CPS1: variants seen among roughly 807,000 people sequenced by gnomAD.
CPS1 encodes the protein carbamoyl-phosphate synthase [ammonia], mitochondrial.
In CPS1, 109 loss-of-function variants were observed where a neutral mutation model predicts 174.6. The ratio of observed to expected loss-of-function variants is 0.62; its 90% CI spans 0.53 to 0.73. The LOEUF is 0.73. Among genes scored for constraint, CPS1 ranks in the 30% least tolerant of loss-of-function variants. The pLI, the probability that CPS1 is intolerant of heterozygous loss-of-function variation, is 0.00. For missense variants in CPS1, 1,689 were observed against 1,821.9 expected (o/e 0.93, Z 1.33); for synonymous variants, 637 against 632.0 (o/e 1.01, Z -0.12).
intron 1 of CPS1, among the ~76,000 whole-genome samples, chr2:210,537,148 A>G (rs144501600): frequency 6.6e-6 from 1 of 152,350 alleles, no homozygotes; most frequent in East Asian, 1.9e-4. Flanking sequence ...AAGATGAATT[A>G]TGGGTTTTGG....
At chr2:210,494,042 T>C (rs949403927) in intron 1 of CPS1, among the ~76,000 whole-genome samples, 16 of 152,272 alleles carry the variant, frequency 1.1e-4, no homozygotes, top group African/African-American at 3.9e-4. Flanking sequence ...AAACCTAATC[T>C]AAACCCAAGC....
chr2:210,609,693 T>C (rs935307006), intron 19 of CPS1, among the ~76,000 whole-genome samples: 1 of 151,946 alleles, frequency 6.6e-6, no homozygotes, highest in African/African-American at 2.4e-5. Context: ...TTTTAGTCTA[T>C]GTATCTAAGT....
intron 2 of CPS1, among the ~76,000 whole-genome samples, chr2:210,574,451 C>T (rs1350789868): frequency 6.6e-6 from 1 of 152,020 alleles, no homozygotes; most frequent in African/African-American, 2.4e-5. Context: ...ACTCTTGCCT[C>T]CCTGTGTGAA....
intron 34 of CPS1, among the ~76,000 whole-genome samples, chr2:210,671,080 C>T (rs1701285458): frequency 6.6e-6 from 1 of 152,100 alleles, no homozygotes; most frequent in African/African-American, 2.4e-5. Context: ...TTTTTAGTTG[C>T]TGTGAGTAGG....
chr2:210,585,228 A>G (rs994877305), intron 6 of CPS1, among the ~76,000 whole-genome samples: 2 of 152,040 alleles, frequency 1.3e-5, no homozygotes, highest in African/African-American at 4.8e-5. Flanking sequence ...ATAATGAATA[A>G]ATAAAGGAAT....
chr2:210,531,196 C>A (rs1302893071), intron 1 of CPS1, among the ~76,000 whole-genome samples: 1 of 151,902 alleles, frequency 6.6e-6, no homozygotes, highest in Non-Finnish European at 1.5e-5. Flanking sequence ...GGCCTTGGGG[C>A]TGAAAACCCT....
At chr2:210,594,962 G>T (rs977991067) in intron 12 of CPS1, among the ~76,000 whole-genome samples, 1 of 151,788 alleles carries the variant, frequency 6.6e-6, no homozygotes, top group African/African-American at 2.4e-5. Flanking sequence ...ATAGATGATA[G>T]AATTCTTTTT....
In CPS1 at chr2:210,535,624, TC is replaced by T. The variant is rs544559389; in HGVS notation, c.4-21094del. Among the ~76,000 whole-genome samples the T allele has an allele frequency of 5.8e-4, 88 of 152,250 alleles. 1 individual carries two copies. The highest frequency in any genetic ancestry group is 2.1e-3 in the African/African-American group (86 of 41,546). ...AAGCTGATGAATGACAATGTGATTC[TC>T]TGATGTATTTACCATCTCCTCTGGA... is the stretch of plus-strand genomic sequence containing the variant. On this transcript the variant is annotated intron_variant, in intron 1 of 38. Coordinates refer to the CPS1 transcript ENST00000430249.
chr2:210,489,428 C>T (rs1286532558), intron 1 of CPS1, among the ~76,000 whole-genome samples: 1 of 152,148 alleles, frequency 6.6e-6, no homozygotes, highest in East Asian at 1.9e-4. Flanking sequence ...TTCACTGGCA[C>T]ATCCCAGGAA....
At chr2:210,634,429 C>T (rs1359826288) in intron 21 of CPS1, among the ~76,000 whole-genome samples, 3 of 149,926 alleles carry the variant, frequency 2.0e-5, no homozygotes, top group Non-Finnish European at 4.5e-5. Context: ...GACTCCGTCT[C>T]AAAAGAAAAA....
chr2:210,558,651 A>G (rs1041556083), intron 1 of CPS1, among the ~76,000 whole-genome samples: 2 of 152,028 alleles, frequency 1.3e-5, no homozygotes, highest in Admixed American at 6.6e-5. Context: ...ATCAGACCCC[A>G]GAAACCGCGA....
intron 21 of CPS1, among the ~76,000 whole-genome samples, chr2:210,627,197 G>A (rs184655846): frequency 7.9e-5 from 12 of 152,258 alleles, no homozygotes; most frequent in Non-Finnish European, 1.5e-4. Flanking sequence ...GGAAAACACA[G>A]GAAGTCTGGC....
intron 1 of CPS1, among the ~76,000 whole-genome samples, chr2:210,523,189 T>G (rs1238439030): frequency 2.0e-5 from 3 of 152,012 alleles, no homozygotes; most frequent in African/African-American, 7.2e-5. Context: ...ATGTTTTTTC[T>G]GGACCTCACT....
intron 1 of CPS1, among the ~76,000 whole-genome samples, chr2:210,512,097 C>T (rs1268613218): frequency 6.6e-6 from 1 of 152,028 alleles, no homozygotes. Flanking sequence ...TCCTAGAGAC[C>T]ACATTTCAGA....
chr2:210,586,698 G>A (rs1044092491), intron 6 of CPS1, among the ~76,000 whole-genome samples: 4 of 152,030 alleles, frequency 2.6e-5, no homozygotes, highest in African/African-American at 9.7e-5. Context: ...GCAAAAATGA[G>A]CATATCTGTG....
At chr2:210,638,289 G>C (rs75700703) in intron 22 of CPS1, among the ~76,000 whole-genome samples, 1,609 of 152,180 alleles carry the variant, frequency 0.011, 23 homozygotes, top group African/African-American at 0.037. Context: ...AGTGCCCCAT[G>C]ATTATGGTTC....
chr2:210,537,800 T>C (rs1696296616), intron 1 of CPS1, among the ~76,000 whole-genome samples: 1 of 151,978 alleles, frequency 6.6e-6, no homozygotes, highest in South Asian at 2.1e-4. Context: ...TAATTTGTTA[T>C]CCTACAAGAC....
At chr2:210,570,564 G>T (rs1017846175) in intron 1 of CPS1, among the ~76,000 whole-genome samples, 2 of 151,948 alleles carry the variant, frequency 1.3e-5, no homozygotes, top group Non-Finnish European at 2.9e-5. Context: ...AAGCAAGCAT[G>T]TCTCAGAGTA....
At chr2:210,616,630 T>TTG in intron 21 of CPS1, 89 bp downstream of exon 21, 1 of 858,876 alleles carries the variant, frequency 1.2e-6, no homozygotes, top group South Asian at 1.3e-5. Context: ...TTGGTCTACA[T>TTG]TGTGATTCAA....
Sources: allele counts gnomAD v4.1 joint callset (sites outside exome capture counted in the v4.1 genomes callset), GRCh38; gene constraint gnomAD v4.1.1; transcripts MANE v1.5; gene names NCBI Gene and HGNC (gene_info 2026-07-23, HGNC 2026-07-21).